The following ERG variants were observed in gnomAD, a reference collection of about 807,000 sequenced individuals.
ERG encodes transcriptional regulator ERG.
Under a neutral mutation model 55.3 loss-of-function variants are expected in ERG, and 9 were observed. That is an observed-to-expected ratio of 0.16 (90% CI 0.10 to 0.28). ERG has a LOEUF of 0.28. Among genes scored for constraint, ERG ranks in the 10% least tolerant of loss-of-function variants. The probability of loss-of-function intolerance (pLI) is 1.00; values close to 1 mark genes in which losing one functional copy is unlikely to be tolerated. For missense variants in ERG, 434 were observed against 631.6 expected, an observed-to-expected ratio of 0.69 and a Z score of 3.35; for synonymous variants, 223 against 237.3, an observed-to-expected ratio of 0.94 and a Z score of 0.55.
At chr21:38,400,703 A>C in intron 5 of ERG, 58 bp from the exon 6 acceptor site, 1 of 1,330,800 alleles carries the variant, frequency 7.5e-7, no homozygotes, top group Non-Finnish European at 1.1e-6. Context: ...TGTCGATCTC[A>C]ACATCAGCGC....
chr21:38,650,603 C>T (rs2060483158), intron 1 of ERG, among the ~76,000 whole-genome samples: 1 of 150,426 alleles, frequency 6.6e-6, no homozygotes, highest in African/African-American at 2.5e-5. Context: ...CACCACTGCA[C>T]TCCAGCCTGC....
At chr21:38,588,590 A>G (rs1262713018), upstream of ERG, among the ~76,000 whole-genome samples, 1 of 151,722 alleles carries the variant, frequency 6.6e-6, no homozygotes, top group Non-Finnish European at 1.5e-5. Context: ...AGCCAACAAA[A>G]CCTCCCTCAG....
chr21:38,385,070 A>G (rs1345000495), intron 9 of ERG, among the ~76,000 whole-genome samples: 1 of 152,186 alleles, frequency 6.6e-6, no homozygotes, highest in Non-Finnish European at 1.5e-5. Flanking sequence ...CAAAGTCAGA[A>G]TTTTCTTGAT....
At chr21:38,596,702 T>C (rs1423824751) in intron 1 of ERG, among the ~76,000 whole-genome samples, 1 of 152,218 alleles carries the variant, frequency 6.6e-6, no homozygotes, top group African/African-American at 2.4e-5. Context: ...ATCTCTGAAA[T>C]GCAAAGTTTT....
chr21:38,426,871 G>A (rs779014806), intron 2 of ERG, among the ~76,000 whole-genome samples: 7 of 151,830 alleles, frequency 4.6e-5, no homozygotes, highest in South Asian at 2.1e-4. Flanking sequence ...CGGAGGTTGC[G>A]GTGAGCCAAG....
At chr21:38,504,299 T>C (rs1428706275) in intron 2 of ERG, among the ~76,000 whole-genome samples, 1 of 152,162 alleles carries the variant, frequency 6.6e-6, no homozygotes, top group Non-Finnish European at 1.5e-5. Flanking sequence ...ATGATTTCAA[T>C]AAACACAATT....
At chr21:38,569,705 C>G (rs887848142) in intron 2 of ERG, among the ~76,000 whole-genome samples, 4 of 152,210 alleles carry the variant, frequency 2.6e-5, no homozygotes, top group Non-Finnish European at 5.9e-5. Flanking sequence ...CCCTAAAACT[C>G]TCCCCTCCCT....
In ERG at chr21:38,383,610, G is replaced by A. The variant is rs763726862; in HGVS notation, c.1233C>T (p.Tyr411=). Reference sequence around the variant, plus strand: ...AGCCCATGTACGGGAGGTCTGAGGGGTACTTGTACAGAGATGACTCCGGGG... The same window carrying A: ...AGCCCATGTACGGGAGGTCTGAGGGATACTTGTACAGAGATGACTCCGGGG... ...PHPPESSLYK[Y]PSDLPYMGSY... The change falls in exon 10 of 10, where the codon TAC becomes TAT. Residue 411 remains tyrosine (Y), a synonymous_variant. Transcript: ENST00000288319. This position sits in a 1 kb window ranked among gnomAD's most constrained non-coding sequence, Gnocchi z 5.7. The A allele has an allele frequency of 1.2e-6, 2 of 1,613,838 alleles. No individual in the cohort carries two copies. Among genetic ancestry groups the A allele is most frequent in the Admixed American group, 1.7e-5 (1 of 60,010 alleles).
intron 1 of ERG, chr21:38,450,823 C>A: frequency 2.3e-6 from 1 of 436,472 alleles, no homozygotes; most frequent in Non-Finnish European, 4.6e-6. Context: ...AATAATGGGA[C>A]ATTTTATATC....
At chr21:38,494,950 C>A (rs1403160895) in intron 1 of ERG, among the ~76,000 whole-genome samples, 1 of 152,236 alleles carries the variant, frequency 6.6e-6, no homozygotes, top group Non-Finnish European at 1.5e-5. Context: ...CACTTTTCGG[C>A]AAGGACAAAC....
intron 2 of ERG, among the ~76,000 whole-genome samples, chr21:38,533,975 C>A (rs1427617277): frequency 1.3e-5 from 2 of 152,144 alleles, no homozygotes; most frequent in South Asian, 4.1e-4. Flanking sequence ...AGTGCTCTCA[C>A]CCTCCTCCCT....
intron 1 of ERG, among the ~76,000 whole-genome samples, chr21:38,627,537 G>C (rs1039454244): frequency 2.6e-5 from 4 of 152,056 alleles, no homozygotes; most frequent in Non-Finnish European, 5.9e-5. Context: ...CATGCTTAGA[G>C]ACATAGTATA....
In ERG at chr21:38,408,884, T is replaced by A. The variant is rs142313614; in HGVS notation, c.389-5175A>T. Among the ~76,000 whole-genome samples the A allele has an allele frequency of 3.9e-5, 6 of 152,304 alleles. No individual in the cohort carries two copies. In the East Asian group the frequency reaches 1.2e-3, roughly 29 times the overall value. On this transcript the variant is annotated intron_variant, in intron 3 of 9. Coordinates refer to ENST00000288319, the MANE Select transcript of ERG (RefSeq NM_182918.4). ...CCTTTGCCTATGTTTAGGTGCGACC[T>A]TCTGCCCTAGGTAGGAACACCTCTT...
intron 1 of ERG, among the ~76,000 whole-genome samples, chr21:38,584,489 G>C (rs908553231): frequency 6.6e-6 from 1 of 152,226 alleles, no homozygotes; most frequent in Non-Finnish European, 1.5e-5. Flanking sequence ...GCACCAGTCT[G>C]TAGACACCTA....
intron 2 of ERG, among the ~76,000 whole-genome samples, chr21:38,508,434 AATGAGTGG>A (rs2059486601): frequency 6.6e-6 from 1 of 152,320 alleles, no homozygotes; most frequent in African/African-American, 2.4e-5. Context: ...CGAATGAATG[AATGAGTGG>A]ATGAGTGGAT....
At chr21:38,376,779 C>T (rs1443629206), downstream of ERG, among the ~76,000 whole-genome samples, 2 of 152,242 alleles carry the variant, frequency 1.3e-5, no homozygotes, top group African/African-American at 2.4e-5. Context: ...GGTTATGGCC[C>T]AGCAGCTGGG....
chr21:38,576,950 C>T (rs2059998243), intron 1 of ERG, among the ~76,000 whole-genome samples: 1 of 152,228 alleles, frequency 6.6e-6, no homozygotes, highest in African/African-American at 2.4e-5. Context: ...CTCTGCAGAT[C>T]TCAGCCAAGC....
the ERG span, among the ~76,000 whole-genome samples, chr21:38,370,202 G>A: frequency 1.3e-5 from 2 of 152,036 alleles, no homozygotes; most frequent in South Asian, 2.1e-4. Flanking sequence ...CCATGAGCTT[G>A]AGCATTGTTT....
intron 3 of ERG, among the ~76,000 whole-genome samples, chr21:38,415,131 C>T (rs1989220266): frequency 6.6e-6 from 1 of 152,218 alleles, no homozygotes; most frequent in South Asian, 2.1e-4. Context: ...GGAAGAAGAA[C>T]CCAGACTGTG....
Sources: allele counts gnomAD v4.1 joint callset (sites outside exome capture counted in the v4.1 genomes callset), GRCh38; gene constraint gnomAD v4.1.1; non-coding constraint Gnocchi (gnomAD v3.1); transcripts MANE v1.5; gene names NCBI Gene and HGNC (gene_info 2026-07-23, HGNC 2026-07-21).